PRDM16: variants seen among roughly 807,000 people sequenced by gnomAD.
PRDM16 encodes histone-lysine N-methyltransferase PRDM16.
PRDM16 carries 23 observed loss-of-function variants against 110.6 expected under a neutral mutation model. The ratio of observed to expected loss-of-function variants is 0.21; its 90% CI spans 0.15 to 0.29. The LOEUF is 0.29. Ranked by LOEUF, PRDM16 falls within the 10% of genes least tolerant of loss-of-function variation. The pLI, the probability that PRDM16 is intolerant of heterozygous loss-of-function variation, is 1.00. For missense variants in PRDM16, 1,615 were observed against 1,794.3 expected (o/e 0.90, Z 1.81); for synonymous variants, 799 against 781.8 (o/e 1.02, Z -0.37).
At chr1:3,305,754 T>C (rs187142781) in intron 3 of PRDM16, among the ~76,000 whole-genome samples, 8 of 152,364 alleles carry the variant, frequency 5.3e-5, no homozygotes, top group Admixed American at 6.5e-5. Context: ...CCACATCACA[T>C]GCATGCCTCA....
intron 3 of PRDM16, among the ~76,000 whole-genome samples, chr1:3,269,659 G>GAAGGACAGTCAGGAA (rs1640386506): frequency 1.3e-5 from 2 of 150,364 alleles, no homozygotes; most frequent in Non-Finnish European, 3.0e-5. Flanking sequence ...ACAGTTGGGA[G>GAAGGACAGTCAGGAA]GAGGACAGTC....
intron 3 of PRDM16, among the ~76,000 whole-genome samples, chr1:3,271,075 GC>G (rs1557571863): frequency 2.0e-5 from 3 of 152,308 alleles, no homozygotes; most frequent in Middle Eastern, 3.4e-3. Flanking sequence ...CGGCCTGCCT[GC>G]CCCGCCACGT....
At chr1:3,283,986 C>T (rs1640792088) in intron 3 of PRDM16, among the ~76,000 whole-genome samples, 2 of 152,184 alleles carry the variant, frequency 1.3e-5, no homozygotes, top group Admixed American at 6.5e-5. Context: ...GTTGGAAGTG[C>T]GCTGGGGGCC....
rs116501787 is a variant in PRDM16 at position 3,315,883 on chromosome 1, G to C, written c.439-69269G>C. Among the ~76,000 whole-genome samples the C allele has an allele frequency of 4.6e-3, 707 of 152,312 alleles. 7 individuals are homozygous for C. Among genetic ancestry groups the C allele is most frequent in the African/African-American group, 0.016 (668 of 41,564 alleles). On this transcript the variant is annotated intron_variant, in intron 3 of 16. Transcript: ENST00000270722. ...GAGGGGCCCGGGATGAATGAGGTGG[G>C]GGTGGCAAAGAGATGCGTTGCCCGA...
chr1:3,198,835 C>G (rs760483663), intron 2 of PRDM16, among the ~76,000 whole-genome samples: 2 of 152,174 alleles, frequency 1.3e-5, no homozygotes, highest in South Asian at 2.1e-4. Flanking sequence ...CCCATTGTGT[C>G]GTCTCTGTTC....
intron 2 of PRDM16, among the ~76,000 whole-genome samples, chr1:3,242,375 G>C (rs1407154025): frequency 6.6e-6 from 1 of 152,184 alleles, no homozygotes; most frequent in Admixed American, 6.5e-5. Flanking sequence ...TGCCCGGGGC[G>C]GCTCACTACG....
rs1417883355 is a variant in PRDM16 at position 3,272,696 on chromosome 1, A to C, written c.438+28559A>C. Among the ~76,000 whole-genome samples, 3 of 152,040 alleles carry C rather than the reference A, an allele frequency of 2.0e-5. 1 individual carries two copies. The highest frequency in any genetic ancestry group is 4.4e-5 in the Non-Finnish European group (3 of 67,972). ...CAGGAAGATTCGAAAGTTCCCTATG[A>C]GATGCCTGTGAGCCCCACCACCACT... On this transcript the variant is annotated intron_variant, in intron 3 of 16. Coordinates refer to ENST00000270722, the MANE Select transcript of PRDM16 (RefSeq NM_022114.4).
rs541292212 is a variant in PRDM16, at chr1:3,206,426, G to A, written c.387+19952G>A. On this transcript the variant is annotated intron_variant, in intron 2 of 16. Coordinates refer to ENST00000270722, the MANE Select transcript of PRDM16 (RefSeq NM_022114.4). This position sits in a 1 kb window ranked among gnomAD's most constrained non-coding sequence, Gnocchi z 4.9. ...GAAGGCGTGACCTCCAGGCAGCTCC[G>A]AGACGGGAAGTGATTGGAGTGTAGG... 3.9e-5 allele frequency: 6 copies of A among 152,396 alleles called. No homozygotes were observed. Among genetic ancestry groups the A allele is most frequent in the South Asian group, 4.1e-4 (2 of 4,822 alleles). 9.4% of individuals were successfully genotyped at this position (152,396 alleles called of 1,614,324 possible).
intron 1 of PRDM16, among the ~76,000 whole-genome samples, chr1:3,132,269 G>A (rs56783981): frequency 0.019 from 2,841 of 152,262 alleles, 79 homozygotes; most frequent in African/African-American, 0.065. Context: ...TGATGTTTAC[G>A]AAGTGTCAGG....
At chr1:3,166,298 C>T (rs970123499) in intron 1 of PRDM16, among the ~76,000 whole-genome samples, 3 of 152,254 alleles carry the variant, frequency 2.0e-5, no homozygotes, top group East Asian at 1.9e-4. Flanking sequence ...GGGCGTTCTG[C>T]GGAGGCAACT....
Position 3,405,620 on chromosome 1 carries a change from T to C in PRDM16, c.1158T>C (p.His386=), listed in dbSNP as rs1260995619. 3 of 1,608,852 alleles carry C rather than the reference T, an allele frequency of 1.9e-6. No homozygotes were observed. The highest frequency in any genetic ancestry group is 1.3e-5 in the African/African-American group (1 of 74,636). Residue 386 remains histidine (H), a synonymous_variant, in exon 8 of 17, where the codon CAT becomes CAC. Transcript: ENST00000270722. The part of the protein sequence containing the change: ...ATSSGLKQHK[H]IHSTVKPFIC... ...CCTCCGGCCTCAAGCAGCACAAGCA[T>C]ATCCACAGCACGGTGAAGCCTTTCA...
chr1:3,273,743 G>T (rs1456125206), intron 3 of PRDM16, among the ~76,000 whole-genome samples: 2 of 151,684 alleles, frequency 1.3e-5, no homozygotes, highest in Non-Finnish European at 2.9e-5. Context: ...TGCATGGATA[G>T]GTGTGTGGGG....
chr1:3,136,597 C>G (rs986677168), intron 1 of PRDM16, among the ~76,000 whole-genome samples: 5 of 152,154 alleles, frequency 3.3e-5, no homozygotes, highest in Admixed American at 3.3e-4. Context: ...GGGAGTGGAG[C>G]CGCCCTTGCT....
chr1:3,296,763 G>A (rs189547440), intron 3 of PRDM16, among the ~76,000 whole-genome samples: 4 of 152,346 alleles, frequency 2.6e-5, no homozygotes, highest in East Asian at 1.9e-4. Context: ...GAATCTTTTC[G>A]TGGAACTCTC....
chr1:3,142,850 G>A (rs745881602), intron 1 of PRDM16, among the ~76,000 whole-genome samples: 6 of 152,212 alleles, frequency 3.9e-5, no homozygotes, highest in Admixed American at 1.3e-4. Context: ...TGGGGCCCTG[G>A]TGTTACAGGC....
rs1642007631 is a variant in PRDM16, at chr1:3,080,868, C to T, written c.37+11572C>T. Among the ~76,000 whole-genome samples, 1 of 152,084 alleles carries T rather than the reference C, an allele frequency of 6.6e-6. No homozygotes were observed. The highest frequency in any genetic ancestry group is 2.1e-4 in the South Asian group (1 of 4,818). ...CTCGGCGTCTCCGACCCTGAGCCCACATGAGTAGCAGAACCCCGGCCCGAG... is the reference window on the plus strand; with the variant it reads ...CTCGGCGTCTCCGACCCTGAGCCCATATGAGTAGCAGAACCCCGGCCCGAG... On this transcript the variant is annotated intron_variant, in intron 1 of 16. Coordinates refer to ENST00000270722, the MANE Select transcript of PRDM16 (RefSeq NM_022114.4). This position sits in a 1 kb window ranked among gnomAD's most constrained non-coding sequence, Gnocchi z 5.2.
chr1:3,109,282 T>A (rs12137954), intron 1 of PRDM16, among the ~76,000 whole-genome samples: 23,839 of 152,034 alleles, frequency 0.16, 2,393 homozygotes, highest in East Asian at 0.3. Context: ...ACCAGCTCCT[T>A]CGACTGGACC....
At chr1:3,317,067 T>C (rs2500277) in intron 3 of PRDM16, among the ~76,000 whole-genome samples, 34,320 of 151,996 alleles carry the variant, frequency 0.23, 4,769 homozygotes, top group Middle Eastern at 0.41. Context: ...CCAGAAAACA[T>C]TGACACAGTG....
At chr1:3,333,350 AC>A (rs1642081227) in intron 3 of PRDM16, among the ~76,000 whole-genome samples, 1 of 152,078 alleles carries the variant, frequency 6.6e-6, no homozygotes, top group Non-Finnish European at 1.5e-5. Flanking sequence ...AGAAGGGGCC[AC>A]TTCCCACAAC....
Sources: gnomAD v4.1 joint callset for allele counts (sites outside exome capture counted in the v4.1 genomes callset) on GRCh38, gnomAD v4.1.1 for gene constraint, Gnocchi (gnomAD v3.1) non-coding constraint, MANE v1.5 for transcripts, NCBI Gene and HGNC (gene_info 2026-07-23, HGNC 2026-07-21) for gene names.